The following ITGB8 variants were observed in gnomAD, a reference collection of about 807,000 sequenced individuals.
ITGB8 encodes the protein integrin beta-8.
A neutral mutation model predicts 89.5 loss-of-function variants in ITGB8; 30 were observed. The observed-to-expected ratio is 0.34, with a 90% CI of 0.25 to 0.45. ITGB8 has a LOEUF of 0.45. Among genes scored for constraint, ITGB8 ranks in the 20% least tolerant of loss-of-function variants. The pLI is 1.00. For synonymous variants in ITGB8, 335 were observed against 320.4 expected (o/e 1.05, Z -0.49); for missense variants, 836 against 933.3 (o/e 0.90, Z 1.36).
At position 20,381,778 on chromosome 7, in the gene ITGB8, G is replaced by C. The variant is rs2127962583; in HGVS notation, c.853G>C (p.Asp285His). ...EAKRLLLVMTDQTSHLALDSK... is the reference protein window; with the variant it reads ...EAKRLLLVMTHQTSHLALDSK... ...TAAAAGATTGCTGCTGGTGATGACA[G>C]ATCAGACGTCTCATCTCGCTCTTGA... The change falls in exon 6 of 14, where the codon GAT becomes CAT. Residue 285 changes from aspartate (D) to histidine (H), a missense_variant. By Grantham distance (81) the Asp-to-His change is moderately conservative. Transcript: ENST00000222573. The C allele has an allele frequency of 6.2e-7, 1 of 1,613,878 alleles. No homozygotes were observed. Among genetic ancestry groups the C allele is most frequent in the Non-Finnish European group, 8.5e-7 (1 of 1,179,760 alleles).
intron 3 of ITGB8, among the ~76,000 whole-genome samples, chr7:20,373,546 T>C (rs745480616): frequency 1.3e-5 from 2 of 152,024 alleles, no homozygotes; most frequent in Non-Finnish European, 2.9e-5. Context: ...TTTAGTAAGA[T>C]TTTCCAGATA....
chr7:20,369,449 A>G (rs1785841744), intron 3 of ITGB8, among the ~76,000 whole-genome samples: 1 of 152,184 alleles, frequency 6.6e-6, no homozygotes, highest in African/African-American at 2.4e-5. Context: ...GAGAGAACAC[A>G]CATGCAAAAG....
chr7:20,408,381 A>C (rs1376146991), intron 12 of ITGB8, among the ~76,000 whole-genome samples: 2 of 150,874 alleles, frequency 1.3e-5, no homozygotes, highest in African/African-American at 4.9e-5. Context: ...TTATCACAAA[A>C]AAAAAAAAAA....
At chr7:20,341,584 T>C (rs917809697) in intron 1 of ITGB8, among the ~76,000 whole-genome samples, 4 of 152,190 alleles carry the variant, frequency 2.6e-5, no homozygotes, top group African/African-American at 7.2e-5. Flanking sequence ...ACATGATACT[T>C]TGTAACATCT....
intron 1 of ITGB8, among the ~76,000 whole-genome samples, chr7:20,353,931 C>CAAAAAAAAAAAAAAAAAAA (rs1158594685): frequency 1.8e-5 from 1 of 55,720 alleles, no homozygotes; most frequent in Non-Finnish European, 2.9e-5. Flanking sequence ...GACTCCGTCT[C>CAAAAAAAAAAAAAAAAAAA]AAAAAAAAAA....
chr7:20,383,896 G>A (rs1029962155), intron 6 of ITGB8, among the ~76,000 whole-genome samples: 1 of 152,144 alleles, frequency 6.6e-6, no homozygotes, highest in African/African-American at 2.4e-5. Flanking sequence ...AAGGAATAAT[G>A]TGTTTGTTAA....
chr7:20,355,213 A>G (rs1785251422), intron 1 of ITGB8, among the ~76,000 whole-genome samples: 1 of 152,184 alleles, frequency 6.6e-6, no homozygotes, highest in South Asian at 2.1e-4. Flanking sequence ...TATGGGGTAG[A>G]AAACAGGCCC....
intron 8 of ITGB8, among the ~76,000 whole-genome samples, chr7:20,396,565 T>C (rs1787091146): frequency 6.6e-6 from 1 of 152,172 alleles, no homozygotes; most frequent in Admixed American, 6.5e-5. Context: ...AGGAAGAGCG[T>C]CTTAAATTAC....
intron 8 of ITGB8, 45 bp from the exon 9 acceptor site, chr7:20,398,814 AT>A: frequency 7.1e-7 from 1 of 1,400,428 alleles, no homozygotes; most frequent in Non-Finnish European, 9.5e-7. Flanking sequence ...TGTTGCTGAC[AT>A]TTGAAACTAC....
At chr7:20,381,031 T>C in intron 5 of ITGB8, 200 bp downstream of exon 5, 2 of 496,814 alleles carry the variant, frequency 4.0e-6, no homozygotes, top group South Asian at 3.2e-5. Flanking sequence ...GGGATTTAAA[T>C]AGGAAAAGAC....
chr7:20,375,347 T>C (rs1415009617), intron 3 of ITGB8, among the ~76,000 whole-genome samples: 15 of 147,982 alleles, frequency 1.0e-4, no homozygotes. Context: ...TGAGATAATG[T>C]GATTCAAATT....
intron 12 of ITGB8, among the ~76,000 whole-genome samples, chr7:20,408,238 A>G (rs1787624072): frequency 6.6e-6 from 1 of 152,130 alleles, no homozygotes; most frequent in African/African-American, 2.4e-5. Context: ...GCCTCAAAAG[A>G]CACCAATTTT....
intron 6 of ITGB8, among the ~76,000 whole-genome samples, chr7:20,385,292 C>T (rs918607082): frequency 1.2e-4 from 19 of 152,170 alleles, no homozygotes; most frequent in African/African-American, 3.4e-4. Flanking sequence ...TTTTAAATAG[C>T]GAGATTCAAA....
chr7:20,349,617 G>A (rs568436292), intron 1 of ITGB8, among the ~76,000 whole-genome samples: 2 of 152,206 alleles, frequency 1.3e-5, no homozygotes, highest in South Asian at 4.2e-4. Flanking sequence ...AAAAGGATAT[G>A]TAAATCAAAT....
intron 1 of ITGB8, among the ~76,000 whole-genome samples, chr7:20,356,847 A>C (rs1483339694): frequency 6.8e-6 from 1 of 147,602 alleles, no homozygotes; most frequent in African/African-American, 2.5e-5. Context: ...GAAAGATCCC[A>C]TTCTAAACAC....
Position 20,412,546 on chromosome 7 carries a change from T to A in ITGB8, c.*2549T>A, listed in dbSNP as rs977711308. ...ATCCTTAAAAATCCAGAGTTTATAT[T>A]TTTTTTATACCCTCACTTGTTTGCA... is the stretch of plus-strand genomic sequence containing the variant. On this transcript the variant is annotated 3_prime_UTR_variant, in exon 14 of 14. Transcript: ENST00000222573. The A allele has an allele frequency of 2.0e-5, 3 of 152,630 alleles. No individual in the cohort carries two copies. Among genetic ancestry groups the A allele is most frequent in the East Asian group, 3.9e-4 (2 of 5,188 alleles). 9.5% of individuals were successfully genotyped at this position (152,630 alleles called of 1,614,324 possible).
intron 9 of ITGB8, 113 bp downstream of exon 9, chr7:20,399,107 C>G: frequency 9.6e-7 from 1 of 1,043,114 alleles, no homozygotes; most frequent in Non-Finnish European, 1.4e-6. Flanking sequence ...CTCTAAGAAT[C>G]TTATTTATAC....
At chr7:20,383,159 C>G (rs190931918) in intron 6 of ITGB8, among the ~76,000 whole-genome samples, 1 of 152,276 alleles carries the variant, frequency 6.6e-6, no homozygotes, top group East Asian at 1.9e-4. Context: ...ATCACCAGTT[C>G]ATCTGCAATA....
intron 10 of ITGB8, among the ~76,000 whole-genome samples, chr7:20,403,488 C>T (rs908749740): frequency 2.0e-5 from 3 of 152,204 alleles, no homozygotes; most frequent in African/African-American, 7.2e-5. Context: ...TAAGTGCAGA[C>T]TGTAACTGAC....
Sources: allele counts gnomAD v4.1 joint callset (sites outside exome capture counted in the v4.1 genomes callset), GRCh38; gene constraint gnomAD v4.1.1; transcripts MANE v1.5; gene names NCBI Gene and HGNC (gene_info 2026-07-23, HGNC 2026-07-21).